The following IFT57 variants were observed in gnomAD, a reference collection of about 807,000 sequenced individuals.
The protein encoded by IFT57 is intraflagellar transport protein 57 homolog.
A neutral mutation model predicts 56.8 loss-of-function variants in IFT57; 59 were observed. That is an observed-to-expected ratio of 1.04 (90% CI 0.84 to 1.29). The LOEUF (loss-of-function observed/expected upper bound fraction) is 1.29, where lower values mean the gene tolerates loss of function less well. Ranked by LOEUF, IFT57 falls within the 50% of genes most tolerant of loss-of-function variation. The pLI, the probability that IFT57 is intolerant of heterozygous loss-of-function variation, is 0.00. For synonymous variants in IFT57, 209 were observed against 186.1 expected, an observed-to-expected ratio of 1.12 and a Z score of -1.00; for missense variants, 470 against 522.1, an observed-to-expected ratio of 0.90 and a Z score of 0.97.
chr3:108,169,014 A>C (rs960205082), intron 6 of IFT57, among the ~76,000 whole-genome samples: 1 of 152,054 alleles, frequency 6.6e-6, no homozygotes, highest in Non-Finnish European at 1.5e-5. Flanking sequence ...ACACCCAGTA[A>C]TGGGATTGCT....
In IFT57 at chr3:108,195,702, A is replaced by G. The variant is rs576240015; in HGVS notation, c.655-4059T>C. ...ATGGAATTGGAGGTCATTATGTTAA[A>G]TGAAATATGCCAGGAACAGTAAGAC... On this transcript the variant is annotated intron_variant, in intron 5 of 10. Coordinates refer to ENST00000264538, the MANE Select transcript of IFT57 (RefSeq NM_018010.4). Among the ~76,000 whole-genome samples, 14 of 152,280 alleles carry G rather than the reference A, an allele frequency of 9.2e-5. No individual in the cohort carries two copies. The East Asian group carries it at 2.5e-3, about 27-fold the overall frequency.
intron 6 of IFT57, among the ~76,000 whole-genome samples, chr3:108,179,100 G>T (rs1335379225): frequency 6.6e-6 from 1 of 151,906 alleles, no homozygotes; most frequent in African/African-American, 2.4e-5. Flanking sequence ...GAGAGCTAGA[G>T]GCTGTCTGCT....
intron 3 of IFT57, chr3:108,218,321 C>A: frequency 3.0e-6 from 1 of 330,050 alleles, no homozygotes; most frequent in Non-Finnish European, 5.5e-6. Context: ...AGGAAAACGG[C>A]ATAATAATAT....
chr3:108,171,023 A>G (rs941005207), intron 6 of IFT57, among the ~76,000 whole-genome samples: 1 of 151,890 alleles, frequency 6.6e-6, no homozygotes, highest in African/African-American at 2.4e-5. Flanking sequence ...TTCATTGCAC[A>G]TATCTGTTTG....
At position 108,222,228 on chromosome 3, in the gene IFT57, C is replaced by G. The variant is rs746508937; in HGVS notation, c.95G>C (p.Arg32Pro). 1.2e-6 allele frequency: 2 copies of G among 1,614,140 alleles called. No homozygotes were observed. The highest frequency in any genetic ancestry group is 1.7e-6 in the Non-Finnish European group (2 of 1,180,018). ...CATGTGGTAGGCCGCGCCGGGCCCC[C>G]GCTCCAAGACCACTTCCCCGGTCCC... ...GEGTGEVVLE[R>P]GPGAAYHMFV... Residue 32 changes from arginine (R) to proline (P), a missense_variant, in exon 1 of 11, where the codon CGG (arginine) becomes CCG (proline). Physicochemically the swap from Arg to Pro is moderately radical, Grantham distance 103. Transcript: ENST00000264538.
intron 4 of IFT57, among the ~76,000 whole-genome samples, chr3:108,209,965 GAACTCA>G (rs2080335102): frequency 6.6e-6 from 1 of 151,894 alleles, no homozygotes; most frequent in African/African-American, 2.4e-5. Flanking sequence ...TTCCTCTGAA[GAACTCA>G]AACTAATTCA....
chr3:108,211,176 T>G (rs939099139), intron 4 of IFT57, among the ~76,000 whole-genome samples: 1 of 152,252 alleles, frequency 6.6e-6, no homozygotes, highest in African/African-American at 2.4e-5. Context: ...CTAGTGGGTT[T>G]GTTTTTTATT....
chr3:108,173,426 A>G (rs902781040), intron 6 of IFT57, among the ~76,000 whole-genome samples: 13 of 151,812 alleles, frequency 8.6e-5, no homozygotes, highest in African/African-American at 2.9e-4. Context: ...TTCTCAACTT[A>G]AGATGGGGTA....
rs1403586914 is a variant in IFT57 at position 108,161,847 on chromosome 3, CTT to C, written c.*628_*629del. 2.0e-5 allele frequency: 3 copies of C among 152,194 alleles called. No individual in the cohort carries two copies. The highest frequency in any genetic ancestry group is 4.4e-5 in the Non-Finnish European group (3 of 68,040). The allele number at this position is 152,194 out of a possible 1,614,324, so 9.4% of individuals were successfully genotyped here. A position where few individuals can be genotyped will look rare whatever the true frequency, so the allele number is the denominator to read the frequency against. ...AACAGAGTCAAACATGAGTGACTGACTTATCATCATTCATTTATCCTTTTATT... is the reference window on the plus strand; with the variant it reads ...AACAGAGTCAAACATGAGTGACTGACATCATCATTCATTTATCCTTTTATT... On this transcript the variant is annotated 3_prime_UTR_variant, in exon 11 of 11. Transcript: ENST00000264538.
intron 6 of IFT57, among the ~76,000 whole-genome samples, chr3:108,168,672 G>A (rs2108308522): frequency 6.6e-6 from 1 of 152,050 alleles, no homozygotes; most frequent in East Asian, 1.9e-4. Context: ...AGGCCTGGGT[G>A]TGTGATGTTC....
intron 6 of IFT57, among the ~76,000 whole-genome samples, chr3:108,174,017 T>C (rs1290544958): frequency 6.1e-5 from 9 of 148,026 alleles, no homozygotes; most frequent in African/African-American, 2.1e-4. Context: ...TGTGTGTGTG[T>C]GTGTGTGTGT....
chr3:108,190,165 C>T (rs996403326), intron 6 of IFT57, among the ~76,000 whole-genome samples: 3 of 152,120 alleles, frequency 2.0e-5, no homozygotes, highest in Non-Finnish European at 1.5e-5. Flanking sequence ...AAGGGACTTG[C>T]CTTGTCTCAG....
intron 5 of IFT57, among the ~76,000 whole-genome samples, chr3:108,198,302 C>T (rs1046030485): frequency 6.6e-6 from 1 of 152,194 alleles, no homozygotes; most frequent in Non-Finnish European, 1.5e-5. Flanking sequence ...CCCCACTCTG[C>T]TTTCTTGTAA....
At chr3:108,164,536 A>G (rs1190045586) in intron 9 of IFT57, among the ~76,000 whole-genome samples, 2 of 151,798 alleles carry the variant, frequency 1.3e-5, no homozygotes, top group African/African-American at 4.8e-5. Flanking sequence ...TTTTTCAGGC[A>G]TCTGAAATGT....
At chr3:108,178,532 T>C (rs1357681738) in intron 6 of IFT57, among the ~76,000 whole-genome samples, 1 of 151,902 alleles carries the variant, frequency 6.6e-6, no homozygotes, top group East Asian at 1.9e-4. Flanking sequence ...AAGGGATTCA[T>C]ATCCTGAATA....
At chr3:108,181,087 G>C (rs1178277563) in intron 6 of IFT57, among the ~76,000 whole-genome samples, 1 of 151,962 alleles carries the variant, frequency 6.6e-6, no homozygotes, top group African/African-American at 2.4e-5. Context: ...AGCAAAAACA[G>C]TCATTCTCTT....
At chr3:108,168,352 T>C (rs927950128) in intron 6 of IFT57, among the ~76,000 whole-genome samples, 1 of 152,022 alleles carries the variant, frequency 6.6e-6, no homozygotes, top group African/African-American at 2.4e-5. Flanking sequence ...CTGGAGTTCA[T>C]GTATTTTAAA....
At chr3:108,202,847 T>C (rs902347704) in intron 5 of IFT57, among the ~76,000 whole-genome samples, 2 of 152,242 alleles carry the variant, frequency 1.3e-5, no homozygotes, top group African/African-American at 4.8e-5. Context: ...GTCATTGTTA[T>C]AAGCATTCAT....
intron 6 of IFT57, among the ~76,000 whole-genome samples, chr3:108,185,770 G>A (rs544260483): frequency 1.3e-5 from 2 of 152,180 alleles, no homozygotes; most frequent in South Asian, 4.1e-4. Context: ...TTTATAAACT[G>A]CTAACCCCTG....
Sources: allele counts gnomAD v4.1 joint callset (sites outside exome capture counted in the v4.1 genomes callset), GRCh38; gene constraint gnomAD v4.1.1; transcripts MANE v1.5; gene names NCBI Gene and HGNC (gene_info 2026-07-23, HGNC 2026-07-21).